PPP1R14D: variants seen among roughly 807,000 people sequenced by gnomAD.
PPP1R14D encodes protein phosphatase 1 regulatory inhibitor subunit 14D, also known as protein phosphatase 1 regulatory subunit 14D.
Under a neutral mutation model 17.1 loss-of-function variants are expected in PPP1R14D, and 14 were observed. The observed-to-expected ratio is 0.82, with a 90% CI of 0.54 to 1.28. The LOEUF (loss-of-function observed/expected upper bound fraction) is 1.28. Among genes scored for constraint, PPP1R14D ranks in the 50% most tolerant of loss-of-function variants. PPP1R14D has a pLI of 0.00. For synonymous variants in PPP1R14D, 67 were observed against 66.1 expected, an observed-to-expected ratio of 1.01 and a Z score of -0.06; for missense variants, 173 against 179.2, an observed-to-expected ratio of 0.97 and a Z score of 0.20.
At chr15:40,818,516 C>G (rs530369898) in intron 1 of PPP1R14D, among the ~76,000 whole-genome samples, 1 of 152,170 alleles carries the variant, frequency 6.6e-6, no homozygotes, top group Non-Finnish European at 1.5e-5. Context: ...GTTAAATAAG[C>G]CAGTTTGAAG....
Position 40,825,488 on chromosome 15 carries a change from C to T in PPP1R14D, c.255+2899G>A, listed in dbSNP as rs1053011292. Among the ~76,000 whole-genome samples, 3 of 152,212 alleles carry T rather than the reference C, an allele frequency of 2.0e-5. No individual in the cohort carries two copies. In the South Asian group the frequency reaches 6.2e-4, roughly 32 times the overall value. ...CCAGACTTGGTTCCTCTGAAGACCC[C>T]ACACCAGGCTGCACATCCAGGGAGA... On this transcript the variant is annotated intron_variant, in intron 1 of 3. Coordinates refer to ENST00000299174, the MANE Select transcript of PPP1R14D (RefSeq NM_017726.8).
Position 40,820,851 on chromosome 15 carries a change from ACT to A in PPP1R14D, c.256-4600_256-4599del, listed in dbSNP as rs565482461. Reference sequence around the variant, plus strand: ...CCTCCAGCCAGGGTGACAGAGCAAGACTCTGTCTCAAAATAAAATAAAAATAT... The same window carrying A: ...CCTCCAGCCAGGGTGACAGAGCAAGACTGTCTCAAAATAAAATAAAAATAT... On this transcript the variant is annotated intron_variant, in intron 1 of 3. Coordinates refer to ENST00000299174, the MANE Select transcript of PPP1R14D (RefSeq NM_017726.8). Among the ~76,000 whole-genome samples, 318 of 151,470 alleles carry A rather than the reference ACT, an allele frequency of 2.1e-3. 3 individuals carry two copies. The highest frequency in any genetic ancestry group is 7.4e-3 in the African/African-American group (304 of 41,216).
intron 1 of PPP1R14D, among the ~76,000 whole-genome samples, chr15:40,818,889 T>A (rs913052093): frequency 6.6e-6 from 1 of 152,108 alleles, no homozygotes; most frequent in Non-Finnish European, 1.5e-5. Context: ...ATTCATTGAT[T>A]GTAACAAATA....
intron 1 of PPP1R14D, among the ~76,000 whole-genome samples, chr15:40,823,508 T>C (rs534931840): frequency 6.6e-6 from 1 of 152,306 alleles, no homozygotes; most frequent in East Asian, 1.9e-4. Flanking sequence ...CAGAACAACT[T>C]CCAGTCCTGC....
At chr15:40,819,590 G>A (rs1224804644) in intron 1 of PPP1R14D, among the ~76,000 whole-genome samples, 3 of 151,128 alleles carry the variant, frequency 2.0e-5, no homozygotes, top group African/African-American at 7.3e-5. Context: ...CAGAACCTCC[G>A]AAAGAGTTCT....
chr15:40,819,025 A>T (rs147137383), intron 1 of PPP1R14D, among the ~76,000 whole-genome samples: 132 of 152,304 alleles, frequency 8.7e-4, no homozygotes, highest in Non-Finnish European at 1.6e-3. Flanking sequence ...TGCTCTAAAA[A>T]ATAGGTCTAT....
intron 3 of PPP1R14D, 94 bp downstream of exon 3, chr15:40,815,868 C>A: frequency 1.3e-6 from 2 of 1,547,006 alleles, no homozygotes; most frequent in Non-Finnish European, 1.8e-6. Flanking sequence ...GGGAGAAGGA[C>A]CCACAGCCAA....
At chr15:40,821,203 G>A (rs556734154) in intron 1 of PPP1R14D, among the ~76,000 whole-genome samples, 4 of 151,740 alleles carry the variant, frequency 2.6e-5, no homozygotes, top group African/African-American at 4.8e-5. Flanking sequence ...GACATGGTGC[G>A]CATGCCTGTA....
chr15:40,815,836 C>T (rs1205773264), intron 3 of PPP1R14D, 75 bp from the exon 4 acceptor site: 39 of 1,510,842 alleles, frequency 2.6e-5, no homozygotes, highest in Non-Finnish European at 3.5e-5. Context: ...TAATCTTCCC[C>T]TGCCCCTGAC....
At chr15:40,821,003 T>G (rs1890766524) in intron 1 of PPP1R14D, among the ~76,000 whole-genome samples, 1 of 149,002 alleles carries the variant, frequency 6.7e-6, no homozygotes, top group Non-Finnish European at 1.5e-5. Flanking sequence ...CTGAGCAACA[T>G]AGCAAGAACT....
At chr15:40,818,909 C>A (rs1890723061) in intron 1 of PPP1R14D, among the ~76,000 whole-genome samples, 1 of 151,972 alleles carries the variant, frequency 6.6e-6, no homozygotes, top group Non-Finnish European at 1.5e-5. Context: ...AATATATAAC[C>A]TTGCTGCTGG....
chr15:40,821,128 G>T (rs1890769117), intron 1 of PPP1R14D, among the ~76,000 whole-genome samples: 1 of 151,706 alleles, frequency 6.6e-6, no homozygotes, highest in South Asian at 2.1e-4. Flanking sequence ...TCAGGTCAGG[G>T]GTTCGAGATC....
intron 1 of PPP1R14D, among the ~76,000 whole-genome samples, chr15:40,818,772 C>A (rs999576497): frequency 6.6e-6 from 1 of 152,172 alleles, no homozygotes; most frequent in South Asian, 2.1e-4. Context: ...GACACTATAA[C>A]GGTGGATACA....
At chr15:40,818,305 A>C (rs901520693) in intron 1 of PPP1R14D, among the ~76,000 whole-genome samples, 6 of 151,188 alleles carry the variant, frequency 4.0e-5, no homozygotes, top group African/African-American at 1.5e-4. Context: ...AAAAAAAAAA[A>C]AAAAAAACCA....
At chr15:40,816,750 C>A (rs975259636) in intron 1 of PPP1R14D, among the ~76,000 whole-genome samples, 5 of 151,850 alleles carry the variant, frequency 3.3e-5, no homozygotes, top group Non-Finnish European at 7.4e-5. Flanking sequence ...AAAAAGACAT[C>A]TGTTAAGGGA....
rs775049473 is a variant in PPP1R14D, at chr15:40,828,648, A to G, written c.-7T>C. The stretch of plus-strand genomic sequence containing the variant: ...CAGGGCTTGAAGACAGCATGGAAGT[A>G]TTGGTCTGGGCAAGGAGCTGGGAAA... On this transcript the variant is annotated 5_prime_UTR_variant, in exon 1 of 4. Transcript: ENST00000299174. The G allele has an allele frequency of 1.9e-6, 3 of 1,603,112 alleles. No homozygotes were observed. The highest frequency in any genetic ancestry group is 2.6e-6 in the Non-Finnish European group (3 of 1,174,034).
At chr15:40,823,220 T>C (rs1055994997) in intron 1 of PPP1R14D, among the ~76,000 whole-genome samples, 1 of 152,004 alleles carries the variant, frequency 6.6e-6, no homozygotes, top group Admixed American at 6.6e-5. Context: ...CACTTCAGCC[T>C]CTCAAAGTGC....
chr15:40,825,239 C>T (rs1323387900), intron 1 of PPP1R14D, among the ~76,000 whole-genome samples: 1 of 149,382 alleles, frequency 6.7e-6, no homozygotes, highest in Non-Finnish European at 1.5e-5. Context: ...GAGCCAAGGT[C>T]ATGCCATTGT....
Position 40,828,372 on chromosome 15 carries a change from C to T in PPP1R14D, c.255+15G>A, listed in dbSNP as rs200429744. 6.6e-5 allele frequency: 104 copies of T among 1,566,750 alleles called. No homozygotes were observed. The East Asian group carries it at 1.7e-3, about 26-fold the overall frequency. Reference sequence around the variant, plus strand: ...CAGGCCCCCATCTCCTCCCACTATCCGCTGTGCTACCTACCTGGAAGAGCT... The same window carrying T: ...CAGGCCCCCATCTCCTCCCACTATCTGCTGTGCTACCTACCTGGAAGAGCT... On this transcript the variant is annotated intron_variant, in intron 1 of 3. Coordinates refer to ENST00000299174, the MANE Select transcript of PPP1R14D (RefSeq NM_017726.8).
Sources: allele counts gnomAD v4.1 joint callset (sites outside exome capture counted in the v4.1 genomes callset), GRCh38; gene constraint gnomAD v4.1.1; transcripts MANE v1.5; gene names NCBI Gene and HGNC (gene_info 2026-07-23, HGNC 2026-07-21).